Variants in FANCB observed in about 807,000 individuals in gnomAD.
FANCB encodes FA complementation group B, also known as Fanconi anemia group B protein.
Under a neutral mutation model 38.9 loss-of-function variants are expected in FANCB, and 5 were observed. The observed-to-expected ratio is 0.13, with a 90% confidence interval of 0.07 to 0.27. The LOEUF (loss-of-function observed/expected upper bound fraction) is 0.27. Ranked by LOEUF, FANCB falls within the 10% of genes least tolerant of loss-of-function variation. The pLI is 1.00. For missense variants in FANCB, 573 were observed against 602.7 expected, an observed-to-expected ratio of 0.95 and a Z score of 0.52; for synonymous variants, 236 against 215.4, an observed-to-expected ratio of 1.10 and a Z score of -0.84.
the FANCB span, among the ~76,000 whole-genome samples, chrX:14,775,158 A>ATT: frequency 2.1e-4 from 6 of 28,478 alleles, no homozygotes; most frequent in Admixed American, 3.2e-4. Flanking sequence ...TATTTCTCTA[A>ATT]TGTTTTTTTT....
At chrX:14,717,540 C>T in the FANCB span, among the ~76,000 whole-genome samples, 3 of 96,847 alleles carry the variant, frequency 3.1e-5, no homozygotes, top group African/African-American at 4.7e-5. Context: ...GTGCATAAGC[C>T]TGCTCTAATA....
At chrX:14,850,712 G>A (rs369086157) in intron 6 of FANCB, 38 bp from the exon 7 acceptor site, 24 of 865,926 alleles carry the variant, frequency 2.8e-5, no homozygotes, top group South Asian at 2.3e-5. Flanking sequence ...TATAAAATAC[G>A]TACCGTCTGT....
At chrX:14,744,968 A>G in the FANCB span, among the ~76,000 whole-genome samples, 1 of 111,114 alleles carries the variant, frequency 9.0e-6, no homozygotes, top group Admixed American at 9.5e-5. Context: ...TTGGTAACTG[A>G]TTTAATAAGC....
the FANCB span, among the ~76,000 whole-genome samples, chrX:14,786,816 C>T: frequency 0.014 from 1,571 of 111,115 alleles, 26 homozygotes; most frequent in African/African-American, 0.042. Flanking sequence ...GCTCTGGCTG[C>T]CACCTCCATA....
the FANCB span, among the ~76,000 whole-genome samples, chrX:14,798,802 T>C: frequency 2.4e-4 from 27 of 111,715 alleles, no homozygotes; most frequent in South Asian, 1.9e-3. Context: ...AACACCAATT[T>C]AGATACTGAT....
At chrX:14,808,347 T>TA in the FANCB span, among the ~76,000 whole-genome samples, 5 of 111,086 alleles carry the variant, frequency 4.5e-5, no homozygotes, top group East Asian at 1.1e-3. Context: ...AACAGTACAT[T>TA]AAAAAAAATC....
intron 5 of FANCB, 83 bp from the exon 6 acceptor site, chrX:14,853,250 TCCAAATGTGCTTA>T: frequency 1.1e-6 from 1 of 873,064 alleles, no homozygotes; most frequent in Non-Finnish European, 1.7e-6. Context: ...AAATACTTTC[TCCAAATGTGCTTA>T]TCAATTCATT....
chrX:14,769,178 G>C, the FANCB span, among the ~76,000 whole-genome samples: 5 of 111,627 alleles, frequency 4.5e-5, no homozygotes, highest in African/African-American at 1.3e-4. Flanking sequence ...TGGCCTCATA[G>C]AGTGAGTTAG....
the FANCB span, among the ~76,000 whole-genome samples, chrX:14,827,023 T>C: frequency 8.9e-6 from 1 of 112,145 alleles, no homozygotes; most frequent in African/African-American, 3.2e-5. Flanking sequence ...TAAAGTGGAA[T>C]GTCATCATTA....
the FANCB span, among the ~76,000 whole-genome samples, chrX:14,810,635 G>A: frequency 1.7e-4 from 19 of 111,233 alleles, no homozygotes; most frequent in South Asian, 3.7e-4. Flanking sequence ...AAAAAGAAAC[G>A]AACAAAGCCT....
chrX:14,783,471 T>C, the FANCB span, among the ~76,000 whole-genome samples: 2 of 112,422 alleles, frequency 1.8e-5, no homozygotes, highest in African/African-American at 6.5e-5. Flanking sequence ...CTTCCTGGCC[T>C]GATTATGCTG....
chrX:14,797,233 G>C, the FANCB span, among the ~76,000 whole-genome samples: 1 of 111,883 alleles, frequency 8.9e-6, no homozygotes, highest in Non-Finnish European at 1.9e-5. Context: ...TGCAAGGTAG[G>C]ACTCTTCCTA....
the FANCB span, among the ~76,000 whole-genome samples, chrX:14,822,059 C>A: frequency 9.0e-6 from 1 of 111,373 alleles, no homozygotes; most frequent in Admixed American, 9.5e-5. Context: ...CCTGTCTCAC[C>A]AGACTAGAGT....
chrX:14,737,694 A>T, the FANCB span, among the ~76,000 whole-genome samples: 21 of 112,355 alleles, frequency 1.9e-4, no homozygotes, highest in African/African-American at 6.8e-4. Context: ...ATAATAAAAT[A>T]ATTATTGTTA....
At chrX:14,782,837 T>C in the FANCB span, among the ~76,000 whole-genome samples, 1 of 111,832 alleles carries the variant, frequency 8.9e-6, no homozygotes, top group East Asian at 2.8e-4. Context: ...CTTCTTAAAA[T>C]GCAGATTCTT....
chrX:14,706,467 ATTAAGT>A, the FANCB span, among the ~76,000 whole-genome samples: 1 of 112,558 alleles, frequency 8.9e-6, no homozygotes. Flanking sequence ...GGTAAGAAAT[ATTAAGT>A]TTATTACTGT....
At chrX:14,800,606 A>G in the FANCB span, among the ~76,000 whole-genome samples, 1 of 112,021 alleles carries the variant, frequency 8.9e-6, no homozygotes, top group Non-Finnish European at 1.9e-5. Context: ...AAACTAATAC[A>G]GGAGGTATCA....
At chrX:14,761,800 T>G in the FANCB span, among the ~76,000 whole-genome samples, 1 of 111,593 alleles carries the variant, frequency 9.0e-6, no homozygotes, top group South Asian at 3.8e-4. Flanking sequence ...AAAGTGATCA[T>G]AATTTTGATA....
the FANCB span, among the ~76,000 whole-genome samples, chrX:14,790,323 T>A: frequency 1.8e-5 from 2 of 112,160 alleles, no homozygotes; most frequent in South Asian, 3.7e-4. Context: ...TAATGAAATA[T>A]TCCTGGCAAC....
Sources: allele counts gnomAD v4.1 joint callset (sites outside exome capture counted in the v4.1 genomes callset), GRCh38; gene constraint gnomAD v4.1.1; transcripts MANE v1.5; gene names NCBI Gene and HGNC (gene_info 2026-07-23, HGNC 2026-07-21).